Variants in ARHGAP42 observed in about 807,000 individuals in gnomAD.
ARHGAP42 encodes Rho GTPase activating protein 42.
Under a neutral mutation model 125.0 loss-of-function variants are expected in ARHGAP42, and 63 were observed. The observed-to-expected ratio is 0.50, with a 90% CI of 0.41 to 0.62. The LOEUF (loss-of-function observed/expected upper bound fraction) is 0.62. Ranked by LOEUF, ARHGAP42 falls within the 20% of genes least tolerant of loss-of-function variation. ARHGAP42 has a pLI of 0.00. For synonymous variants in ARHGAP42, 339 were observed against 351.0 expected (o/e 0.97, Z 0.38); for missense variants, 766 against 1,024.2 (o/e 0.75, Z 3.44).
At chr11:100,702,797 G>A (rs1002564259) in intron 1 of ARHGAP42, among the ~76,000 whole-genome samples, 7 of 151,506 alleles carry the variant, frequency 4.6e-5, no homozygotes, top group Non-Finnish European at 2.9e-5. Context: ...TCAGCCTCCC[G>A]AGTAGCTGGG....
chr11:100,757,111 A>G (rs1164048303), intron 1 of ARHGAP42, among the ~76,000 whole-genome samples: 1 of 152,256 alleles, frequency 6.6e-6, no homozygotes, highest in Non-Finnish European at 1.5e-5. Flanking sequence ...AGGAAGATCA[A>G]TAAGAATGAG....
chr11:100,745,212 A>G (rs1031283931), intron 1 of ARHGAP42, among the ~76,000 whole-genome samples: 1 of 152,344 alleles, frequency 6.6e-6, no homozygotes, highest in Middle Eastern at 3.4e-3. Flanking sequence ...AGAATTGAAC[A>G]TACTCACATA....
At position 100,773,165 on chromosome 11, in the gene ARHGAP42, C is replaced by T. The variant is rs563664420; in HGVS notation, c.250+2727C>T. Among the ~76,000 whole-genome samples, 27 of 152,268 alleles carry T rather than the reference C, an allele frequency of 1.8e-4. No individual in the cohort carries two copies. In the South Asian group the frequency reaches 5.4e-3, roughly 30 times the overall value. On this transcript the variant is annotated intron_variant, in intron 2 of 23. Transcript: ENST00000298815. ...ACTTAGTTATATTAAGCTATAAATT[C>T]CATGAAGGCAGAAGCCAGATTTTTT...
chr11:100,868,917 GTTAA>G (rs1339498588), intron 4 of ARHGAP42, among the ~76,000 whole-genome samples: 2 of 151,938 alleles, frequency 1.3e-5, no homozygotes, highest in African/African-American at 4.8e-5. Context: ...GTACTAAAAT[GTTAA>G]TTGTTTTTAT....
At chr11:100,850,184 G>A (rs1335769299) in intron 3 of ARHGAP42, among the ~76,000 whole-genome samples, 1 of 152,130 alleles carries the variant, frequency 6.6e-6, no homozygotes, top group Non-Finnish European at 1.5e-5. Context: ...TAGACAGTGC[G>A]TATCACTTTT....
intron 1 of ARHGAP42, among the ~76,000 whole-genome samples, chr11:100,701,330 C>A (rs559039170): frequency 1.3e-5 from 2 of 152,244 alleles, no homozygotes; most frequent in South Asian, 4.1e-4. Flanking sequence ...AACTTAGTGT[C>A]ACCAGCTGCT....
chr11:100,779,530 GTATATATACGTA>G (rs1863231069), intron 2 of ARHGAP42, among the ~76,000 whole-genome samples: 1 of 114,850 alleles, frequency 8.7e-6, no homozygotes, highest in Admixed American at 9.3e-5. Flanking sequence ...GTATACATGC[GTATATATACGTA>G]TATATATACA....
At chr11:100,836,716 T>TG (rs1008105764) in intron 3 of ARHGAP42, among the ~76,000 whole-genome samples, 4 of 143,940 alleles carry the variant, frequency 2.8e-5, no homozygotes, top group African/African-American at 1.0e-4. Flanking sequence ...TTGTTTTTTT[T>TG]TTGTTGTTGT....
intron 4 of ARHGAP42, among the ~76,000 whole-genome samples, chr11:100,869,011 A>G (rs1865639484): frequency 6.6e-6 from 1 of 152,052 alleles, no homozygotes; most frequent in Non-Finnish European, 1.5e-5. Flanking sequence ...TGATGAAGTA[A>G]TCATGCATGT....
chr11:100,759,361 G>C (rs1320629613), intron 1 of ARHGAP42, among the ~76,000 whole-genome samples: 1 of 152,064 alleles, frequency 6.6e-6, no homozygotes, highest in African/African-American at 2.4e-5. Flanking sequence ...TAGGCACCTG[G>C]CTTCTTATCT....
At chr11:100,951,322 TC>T (rs1418635934) in intron 12 of ARHGAP42, among the ~76,000 whole-genome samples, 2 of 152,150 alleles carry the variant, frequency 1.3e-5, no homozygotes. Flanking sequence ...TAGTATAAAA[TC>T]CTTTATTGCC....
At chr11:100,735,810 G>C (rs1224027026) in intron 1 of ARHGAP42, among the ~76,000 whole-genome samples, 1 of 151,938 alleles carries the variant, frequency 6.6e-6, no homozygotes, top group Non-Finnish European at 1.5e-5. Flanking sequence ...GGATTTCACT[G>C]TTGAAACTAT....
At chr11:100,907,938 G>A (rs946689008) in intron 4 of ARHGAP42, among the ~76,000 whole-genome samples, 2 of 152,120 alleles carry the variant, frequency 1.3e-5, no homozygotes, top group African/African-American at 4.8e-5. Flanking sequence ...TCAAAGTAGT[G>A]CTTATTTAGG....
At chr11:100,908,976 T>C (rs1003163309) in intron 4 of ARHGAP42, among the ~76,000 whole-genome samples, 1 of 152,230 alleles carries the variant, frequency 6.6e-6, no homozygotes, top group African/African-American at 2.4e-5. Flanking sequence ...ATTTCTCTGA[T>C]GATTAGAGAC....
At chr11:100,945,724 A>C (rs1867998140) in intron 10 of ARHGAP42, among the ~76,000 whole-genome samples, 1 of 152,088 alleles carries the variant, frequency 6.6e-6, no homozygotes, top group Admixed American at 6.6e-5. Context: ...ATATTCAGTA[A>C]ACCTTACTGT....
At chr11:100,883,104 G>A (rs1009440823) in intron 4 of ARHGAP42, among the ~76,000 whole-genome samples, 4 of 151,194 alleles carry the variant, frequency 2.6e-5, no homozygotes, top group African/African-American at 9.7e-5. Flanking sequence ...ATGATCTTTT[G>A]GATTGGAATC....
At chr11:100,903,997 G>T (rs1156695873) in intron 4 of ARHGAP42, among the ~76,000 whole-genome samples, 1 of 151,698 alleles carries the variant, frequency 6.6e-6, no homozygotes, top group Non-Finnish European at 1.5e-5. Flanking sequence ...TGATTAGACT[G>T]TGCCCACCAG....
chr11:100,930,605 C>G (rs1001779509), intron 6 of ARHGAP42, among the ~76,000 whole-genome samples: 1 of 152,054 alleles, frequency 6.6e-6, no homozygotes, highest in Non-Finnish European at 1.5e-5. Flanking sequence ...GGTTTATTTT[C>G]CTCTTGACTG....
intron 2 of ARHGAP42, among the ~76,000 whole-genome samples, chr11:100,790,996 G>A (rs1160184530): frequency 6.6e-6 from 1 of 152,220 alleles, no homozygotes; most frequent in Non-Finnish European, 1.5e-5. Context: ...AGGAAAGTCT[G>A]AGAATAAGTG....
Sources: allele counts gnomAD v4.1 joint callset (sites outside exome capture counted in the v4.1 genomes callset), GRCh38; gene constraint gnomAD v4.1.1; transcripts MANE v1.5; gene names NCBI Gene and HGNC (gene_info 2026-07-23, HGNC 2026-07-21).